Variants in TXK observed in about 807,000 individuals in gnomAD.
The protein encoded by TXK is tyrosine-protein kinase TXK.
In TXK, 60 loss-of-function variants were observed where a neutral mutation model predicts 81.0. The ratio of observed to expected loss-of-function variants is 0.74; its 90% CI spans 0.60 to 0.92. The LOEUF (loss-of-function observed/expected upper bound fraction) is 0.92. Ranked by LOEUF, TXK falls within the 40% of genes least tolerant of loss-of-function variation. TXK has a pLI of 0.00. For synonymous variants in TXK, 203 were observed against 210.7 expected (o/e 0.96, Z 0.32); for missense variants, 581 against 638.3 (o/e 0.91, Z 0.97).
chr4:48,108,326 CATAGTT>C lies in TXK; in HGVS notation c.446+2206_446+2211del, dbSNP rs1249167644. ...CTGTAAATGTTTTTCCTGTTAGTTTCATAGTTCATGAAATAATAATAATCACTAGAA... is the reference window on the plus strand; with the variant it reads ...CTGTAAATGTTTTTCCTGTTAGTTTCCATGAAATAATAATAATCACTAGAA... On this transcript the variant is annotated intron_variant, in intron 5 of 14. Coordinates refer to ENST00000264316, the MANE Select transcript of TXK (RefSeq NM_003328.3). Among the ~76,000 whole-genome samples the C allele has an allele frequency of 1.2e-4, 18 of 152,282 alleles. No individual in the cohort carries two copies. The East Asian group carries it at 3.1e-3, about 26-fold the overall frequency.
At position 48,133,769 on chromosome 4, in the gene TXK, A is replaced by G. The variant is rs535526847; in HGVS notation, c.16+386T>C. Among the ~76,000 whole-genome samples, 6 of 152,288 alleles carry G rather than the reference A, an allele frequency of 3.9e-5. No individual in the cohort carries two copies. In the East Asian group the frequency reaches 1.2e-3, roughly 29 times the overall value. Reference sequence around the variant, plus strand: ...TATGTGTGTGTATTTATATATATATAAAGTTGCCCACTGTGATCCACCACT... The same window carrying G: ...TATGTGTGTGTATTTATATATATATGAAGTTGCCCACTGTGATCCACCACT... On this transcript the variant is annotated intron_variant, in intron 1 of 14. Coordinates refer to ENST00000264316, the MANE Select transcript of TXK (RefSeq NM_003328.3).
chr4:48,087,681 C>T (rs567566691), intron 9 of TXK, among the ~76,000 whole-genome samples: 39 of 152,140 alleles, frequency 2.6e-4, no homozygotes, highest in Admixed American at 5.2e-4. Context: ...GCGATCTGCC[C>T]ACCTCAGTCT....
chr4:48,088,360 A>T (rs1577658522), intron 9 of TXK, among the ~76,000 whole-genome samples: 1 of 152,210 alleles, frequency 6.6e-6, no homozygotes, highest in East Asian at 1.9e-4. Flanking sequence ...CTTCATCAAA[A>T]CACACACAAA....
At chr4:48,091,354 GC>G (rs1055620258) in intron 8 of TXK, among the ~76,000 whole-genome samples, 28 of 152,290 alleles carry the variant, frequency 1.8e-4, no homozygotes, top group African/African-American at 6.7e-4. Context: ...AGGAGGTAGA[GC>G]CAGACAAATT....
intron 5 of TXK, among the ~76,000 whole-genome samples, chr4:48,108,757 G>A (rs531861503): frequency 1.3e-5 from 2 of 152,318 alleles, no homozygotes; most frequent in South Asian, 4.1e-4. Flanking sequence ...CCAAGGAAAT[G>A]AGGTAGCAGT....
chr4:48,078,025 G>A (rs2456324), intron 11 of TXK, among the ~76,000 whole-genome samples: 1 of 152,192 alleles, frequency 6.6e-6, no homozygotes, highest in Non-Finnish European at 1.5e-5. Flanking sequence ...TTCAGCCACA[G>A]AGATTCTGAT....
chr4:48,085,894 C>T (rs1216335625), intron 10 of TXK, among the ~76,000 whole-genome samples: 2 of 152,204 alleles, frequency 1.3e-5, no homozygotes, highest in Admixed American at 6.5e-5. Flanking sequence ...CCTTCAAGTC[C>T]GTGTGACCTG....
intron 1 of TXK, among the ~76,000 whole-genome samples, chr4:48,120,880 C>A (rs201467587): frequency 9.5e-5 from 14 of 146,690 alleles, no homozygotes; most frequent in African/African-American, 2.6e-4. Flanking sequence ...AAAAAAAAAA[C>A]AAAACTGCTC....
intron 1 of TXK, chr4:48,114,606 G>T: frequency 1.7e-6 from 1 of 579,276 alleles, no homozygotes. Flanking sequence ...CCCTTCTCAG[G>T]CTCTTCTCCT....
chr4:48,119,579 C>T (rs575032299), intron 1 of TXK, among the ~76,000 whole-genome samples: 1 of 152,120 alleles, frequency 6.6e-6, no homozygotes, highest in African/African-American at 2.4e-5. Flanking sequence ...TTTTCCTGCA[C>T]CCAGAAATCA....
chr4:48,074,782 C>G (rs1056750809), intron 12 of TXK, among the ~76,000 whole-genome samples: 1 of 152,084 alleles, frequency 6.6e-6, no homozygotes, highest in East Asian at 1.9e-4. Context: ...CCCCTATACT[C>G]TCACTTTTTT....
chr4:48,069,985 G>C (rs1432145378), intron 14 of TXK, among the ~76,000 whole-genome samples: 1 of 152,182 alleles, frequency 6.6e-6, no homozygotes, highest in Non-Finnish European at 1.5e-5. Flanking sequence ...TCCTTGTAAA[G>C]TAGTTAATAT....
At chr4:48,114,249 A>C in intron 2 of TXK, 99 bp downstream of exon 2, 1 of 1,221,842 alleles carries the variant, frequency 8.2e-7, no homozygotes, top group Non-Finnish European at 1.2e-6. Flanking sequence ...GTTCCCAGGT[A>C]GAGAGAACAG....
intron 10 of TXK, among the ~76,000 whole-genome samples, chr4:48,085,482 A>G (rs892972348): frequency 2.0e-5 from 3 of 152,172 alleles, no homozygotes; most frequent in Non-Finnish European, 4.4e-5. Flanking sequence ...TGATACCAAC[A>G]GGAGGCAGGG....
At chr4:48,079,085 G>A (rs1177884616) in intron 11 of TXK, among the ~76,000 whole-genome samples, 2 of 152,216 alleles carry the variant, frequency 1.3e-5, no homozygotes, top group Non-Finnish European at 2.9e-5. Context: ...AATTATGACT[G>A]AGAACCTAAC....
chr4:48,119,886 A>G (rs950236106), intron 1 of TXK, among the ~76,000 whole-genome samples: 4 of 152,208 alleles, frequency 2.6e-5, no homozygotes, highest in African/African-American at 7.2e-5. Flanking sequence ...ATCTGTATCT[A>G]TTCAGGCCAC....
intron 1 of TXK, chr4:48,114,657 A>G: frequency 2.1e-6 from 1 of 485,042 alleles, no homozygotes; most frequent in South Asian, 2.6e-5. Context: ...TGAGTGATAA[A>G]TGACCAGTGT....
In TXK at chr4:48,073,789, G is replaced by C. The variant is rs953031176; in HGVS notation, c.1357+146C>G. On this transcript the variant is annotated intron_variant, in intron 13 of 14. Transcript: ENST00000264316. Reference sequence around the variant, plus strand: ...GACACCAGTTGCCAAAGACAGTCGGGATGTGGTTAGAACACACAGAAGGAA... The same window carrying C: ...GACACCAGTTGCCAAAGACAGTCGGCATGTGGTTAGAACACACAGAAGGAA... The C allele has an allele frequency of 5.3e-6, 3 of 562,966 alleles. No homozygotes were observed. The South Asian group carries it at 8.2e-5, about 15-fold the overall frequency. 34.9% of individuals were successfully genotyped at this position (562,966 alleles called of 1,614,324 possible).
intron 14 of TXK, 137 bp from the exon 15 acceptor site, chr4:48,067,842 ATGC>A: frequency 1.2e-6 from 1 of 860,246 alleles, no homozygotes; most frequent in Admixed American, 2.8e-5. Flanking sequence ...TTTTTCACTC[ATGC>A]AAAAATTCAA....
Sources: allele counts gnomAD v4.1 joint callset (sites outside exome capture counted in the v4.1 genomes callset), GRCh38; gene constraint gnomAD v4.1.1; transcripts MANE v1.5; gene names NCBI Gene and HGNC (gene_info 2026-07-23, HGNC 2026-07-21).